SEMA3E: variants seen among roughly 807,000 people sequenced by gnomAD.
The protein encoded by SEMA3E is semaphorin 3E.
A neutral mutation model predicts 93.6 loss-of-function variants in SEMA3E; 49 were observed. The observed-to-expected ratio is 0.52, with a 90% CI of 0.42 to 0.66. The LOEUF (loss-of-function observed/expected upper bound fraction) is 0.66, where lower values mean the gene tolerates loss of function less well. Among genes scored for constraint, SEMA3E ranks in the 30% least tolerant of loss-of-function variants. The pLI is 0.00. For missense variants in SEMA3E, 906 were observed against 964.8 expected (o/e 0.94, Z 0.81); for synonymous variants, 363 against 330.7 (o/e 1.10, Z -1.06).
rs1026866671 is a variant in SEMA3E, at chr7:83,581,733, T to C, written c.115+66695A>G. On this transcript the variant is annotated intron_variant, in intron 1 of 16. Transcript: ENST00000643230. The stretch of plus-strand genomic sequence containing the variant: ...TTGATCAAAGCTATTAGCTAATAAA[T>C]TGATCATTAAACTGCTACTGGAGTC... Among the ~76,000 whole-genome samples, 11 of 151,974 alleles carry C rather than the reference T, an allele frequency of 7.2e-5. No homozygotes were observed. The South Asian group carries it at 1.7e-3, about 23-fold the overall frequency.
intron 1 of SEMA3E, among the ~76,000 whole-genome samples, chr7:83,570,771 G>T (rs1431621143): frequency 6.7e-6 from 1 of 149,570 alleles, no homozygotes; most frequent in East Asian, 2.0e-4. Flanking sequence ...TTCTTTGAAA[G>T]AATTAACAAT....
chr7:83,518,896 A>G (rs12530588), intron 1 of SEMA3E, among the ~76,000 whole-genome samples: 80,398 of 151,738 alleles, frequency 0.53, 23,567 homozygotes, highest in Middle Eastern at 0.7. Flanking sequence ...GAAACTCCTT[A>G]CTGCAGTTCT....
intron 1 of SEMA3E, among the ~76,000 whole-genome samples, chr7:83,579,334 C>T (rs921727627): frequency 9.9e-5 from 15 of 152,028 alleles, no homozygotes; most frequent in Non-Finnish European, 2.1e-4. Context: ...ATTAGCAGAA[C>T]AGCTTCAGGT....
At chr7:83,471,029 C>T (rs1468220976) in intron 2 of SEMA3E, among the ~76,000 whole-genome samples, 2 of 151,860 alleles carry the variant, frequency 1.3e-5, no homozygotes, top group Admixed American at 6.6e-5. Context: ...TACAGTGTTT[C>T]AATACATCAT....
At chr7:83,613,344 C>T (rs1172190521) in intron 1 of SEMA3E, among the ~76,000 whole-genome samples, 1 of 152,020 alleles carries the variant, frequency 6.6e-6, no homozygotes, top group Admixed American at 6.6e-5. Context: ...ATCAATTCTT[C>T]CCTGTGAATC....
Position 83,402,722 on chromosome 7 carries a change from T to C in SEMA3E, c.1053A>G (p.Ala351=), listed in dbSNP as rs1208777030. 8.7e-6 allele frequency: 14 copies of C among 1,612,948 alleles called. No individual in the cohort carries two copies. The highest frequency in any genetic ancestry group is 1.1e-5 in the Non-Finnish European group (13 of 1,179,246). The part of the protein sequence containing the change: ...ICVYHMSSIR[A]AFNGPYAHKE... ...TATGTGCATATGGTCCGTTGAAGGC[T>C]GCCCGAATGCTAGACATGTGATAGA... The change falls in exon 10 of 17, where the codon GCA becomes GCG. Residue 351 remains alanine (A), a synonymous_variant. Coordinates refer to ENST00000643230, the MANE Select transcript of SEMA3E (RefSeq NM_012431.3).
In SEMA3E at chr7:83,590,107, T is replaced by C. The variant is rs60423900; in HGVS notation, c.115+58321A>G. 1.0e-3 allele frequency among the ~76,000 whole-genome samples: 152 copies of C among 152,258 alleles called. 1 individual carries two copies. Among genetic ancestry groups the C allele is most frequent in the African/African-American group, 3.6e-3 (149 of 41,562 alleles). ...ACATTGCTAGGAAAAACAATTTTCT[T>C]TTGTTCTTAAGATACAAGATTAGTA... On this transcript the variant is annotated intron_variant, in intron 1 of 16. Coordinates refer to ENST00000643230, the MANE Select transcript of SEMA3E (RefSeq NM_012431.3).
intron 1 of SEMA3E, among the ~76,000 whole-genome samples, chr7:83,623,864 A>G (rs1185264110): frequency 6.6e-6 from 1 of 150,438 alleles, no homozygotes; most frequent in Non-Finnish European, 1.5e-5. Context: ...TCCTATGGCT[A>G]TCCCTCCCCT....
At chr7:83,579,835 A>T (rs902692340) in intron 1 of SEMA3E, among the ~76,000 whole-genome samples, 6 of 152,168 alleles carry the variant, frequency 3.9e-5, no homozygotes, top group Middle Eastern at 3.4e-3. Flanking sequence ...AAACTACTGA[A>T]TTTTTTTAAT....
At chr7:83,622,421 G>T (rs1424517666) in intron 1 of SEMA3E, among the ~76,000 whole-genome samples, 1 of 152,256 alleles carries the variant, frequency 6.6e-6, no homozygotes, top group Non-Finnish European at 1.5e-5. Flanking sequence ...ACACAGTGTG[G>T]CACTTCCTCA....
At chr7:83,461,364 C>T (rs1297670999) in intron 4 of SEMA3E, among the ~76,000 whole-genome samples, 1 of 152,112 alleles carries the variant, frequency 6.6e-6, no homozygotes, top group East Asian at 1.9e-4. Flanking sequence ...CCAGGCTGAG[C>T]TAGGTCCCAA....
At chr7:83,644,800 T>C (rs1794059146) in intron 1 of SEMA3E, among the ~76,000 whole-genome samples, 1 of 152,136 alleles carries the variant, frequency 6.6e-6, no homozygotes, top group Admixed American at 6.5e-5. Context: ...CATAAGTATA[T>C]ATTCCATGTT....
chr7:83,382,713 C>T (rs915468411), intron 16 of SEMA3E, among the ~76,000 whole-genome samples: 2 of 151,460 alleles, frequency 1.3e-5, no homozygotes, highest in African/African-American at 4.8e-5. Flanking sequence ...AGGGAAAATG[C>T]TCCACATGAA....
rs565347008 is a variant in SEMA3E at position 83,550,532 on chromosome 7, C to A, written c.116-60258G>T. Among the ~76,000 whole-genome samples the A allele has an allele frequency of 2.6e-5, 4 of 152,086 alleles. No individual in the cohort carries two copies. The East Asian group carries it at 7.7e-4, about 29-fold the overall frequency. On this transcript the variant is annotated intron_variant, in intron 1 of 16. Coordinates refer to ENST00000643230, the MANE Select transcript of SEMA3E (RefSeq NM_012431.3). Reference sequence around the variant, plus strand: ...TGGCATATCTTTTTCAAAAGGTAAACAAAATAATACATTCTAAATGTAAAT... The same window carrying A: ...TGGCATATCTTTTTCAAAAGGTAAAAAAAATAATACATTCTAAATGTAAAT...
At chr7:83,591,936 G>T (rs1792764271) in intron 1 of SEMA3E, among the ~76,000 whole-genome samples, 1 of 151,900 alleles carries the variant, frequency 6.6e-6, no homozygotes, top group African/African-American at 2.4e-5. Context: ...TTTTGATCCA[G>T]TTATAACATG....
chr7:83,420,720 A>T (rs1300970154), intron 4 of SEMA3E, among the ~76,000 whole-genome samples: 1 of 152,166 alleles, frequency 6.6e-6, no homozygotes, highest in Non-Finnish European at 1.5e-5. Flanking sequence ...ATAAGCAATG[A>T]GGAAAGGACT....
Position 83,490,396 on chromosome 7 carries a change from T to C in SEMA3E, c.116-122A>G, listed in dbSNP as rs1166440218. 6.4e-6 allele frequency: 6 copies of C among 933,200 alleles called. No homozygotes were observed. In the South Asian group the frequency reaches 7.3e-5, roughly 11 times the overall value. 57.8% of individuals were successfully genotyped at this position (933,200 alleles called of 1,614,324 possible). On this transcript the variant is annotated intron_variant, in intron 1 of 16. Coordinates refer to ENST00000643230, the MANE Select transcript of SEMA3E (RefSeq NM_012431.3). ...TGAGTCATTAACATTCATTTTATCA[T>C]ACATATACTGGCAAAGAATTTTAAT...
At chr7:83,620,672 G>T (rs898390514) in intron 1 of SEMA3E, among the ~76,000 whole-genome samples, 4 of 152,050 alleles carry the variant, frequency 2.6e-5, no homozygotes, top group African/African-American at 9.7e-5. Context: ...CTTCATCAGG[G>T]GGATGCAAGG....
intron 16 of SEMA3E, chr7:83,372,240 G>T: frequency 2.5e-6 from 1 of 397,880 alleles, no homozygotes; most frequent in East Asian, 3.6e-5. Context: ...CTTAGTAACT[G>T]ATGAAAGAGG....
Sources: allele counts gnomAD v4.1 joint callset (sites outside exome capture counted in the v4.1 genomes callset), GRCh38; gene constraint gnomAD v4.1.1; transcripts MANE v1.5; gene names NCBI Gene and HGNC (gene_info 2026-07-23, HGNC 2026-07-21).